IARS1: variants seen among roughly 807,000 people sequenced by gnomAD.
The protein encoded by IARS1 is isoleucine--tRNA ligase, cytoplasmic.
In IARS1, 124 loss-of-function variants were observed where a neutral mutation model predicts 168.2. The ratio of observed to expected loss-of-function variants is 0.74; its 90% confidence interval spans 0.64 to 0.86. IARS1 has a LOEUF of 0.86. Ranked by LOEUF, IARS1 falls within the 40% of genes least tolerant of loss-of-function variation. The pLI, the probability that IARS1 is intolerant of heterozygous loss-of-function variation, is 0.00. For synonymous variants in IARS1, 532 were observed against 529.4 expected, an observed-to-expected ratio of 1.00 and a Z score of -0.07; for missense variants, 1,452 against 1,515.8, an observed-to-expected ratio of 0.96 and a Z score of 0.70.
intron 6 of IARS1, among the ~76,000 whole-genome samples, chr9:92,285,395 C>A (rs935481276): frequency 2.6e-5 from 4 of 152,126 alleles, no homozygotes; most frequent in African/African-American, 9.7e-5. Context: ...AATTACTCAA[C>A]CCTTAAGAAA....
Position 92,222,554 on chromosome 9 carries a change from C to CTTCCTGCTT in IARS1, c.3671_3672insAAGCAGGAA (p.Ser1222_Lys1224dup). The stretch of plus-strand genomic sequence containing the variant: ...GGGTCTCATTCAGAAACAGCTTTAG[C>CTTCCTGCTT]TTCCTGCTCCGAAGGCCAAACACCT... On this transcript the variant is annotated inframe_insertion, in exon 33 of 34. Transcript: ENST00000443024. 6.2e-7 allele frequency: 1 copy of CTTCCTGCTT among 1,614,058 alleles called. No individual in the cohort carries two copies. Among genetic ancestry groups the CTTCCTGCTT allele is most frequent in the South Asian group, 1.1e-5 (1 of 91,082 alleles).
rs776368083 is a variant in IARS1, at chr9:92,222,720, T to C, written c.3554-48A>G. On this transcript the variant is annotated intron_variant, in intron 32 of 33. Coordinates refer to ENST00000443024, the MANE Select transcript of IARS1 (RefSeq NM_002161.6). ...GATTAAATCTCGAGAGTTCACCCTC[T>C]AGCTCCAAAAGAGGTGGCCACTGCG... 1.8e-5 allele frequency: 29 copies of C among 1,603,532 alleles called. No individual in the cohort carries two copies. In the South Asian group the frequency reaches 3.1e-4, roughly 17 times the overall value.
intron 30 of IARS1, 43 bp downstream of exon 30, chr9:92,240,813 A>G: frequency 8.3e-7 from 1 of 1,198,866 alleles, no homozygotes; most frequent in South Asian, 1.2e-5. Context: ...ATCCATAAGT[A>G]TAACTAAAAA....
intron 30 of IARS1, among the ~76,000 whole-genome samples, chr9:92,230,187 C>T (rs533903417): frequency 3.9e-5 from 6 of 151,986 alleles, no homozygotes; most frequent in East Asian, 1.9e-4. Context: ...TTCGGCTCAC[C>T]GCAACCTCTG....
At chr9:92,285,977 G>A in intron 5 of IARS1, 138 bp from the exon 6 acceptor site, 5 of 597,578 alleles carry the variant, frequency 8.4e-6, no homozygotes, top group Non-Finnish European at 1.5e-5. Flanking sequence ...AGACTGGCTG[G>A]TAAATTATAA....
chr9:92,274,985 C>A (rs149127040), intron 9 of IARS1, among the ~76,000 whole-genome samples: 5 of 152,282 alleles, frequency 3.3e-5, no homozygotes, highest in African/African-American at 4.8e-5. Context: ...GTGGGAGCCA[C>A]GAGTAGTAAG....
At chr9:92,212,906 A>T (rs1179857754) in intron 33 of IARS1, among the ~76,000 whole-genome samples, 1 of 152,132 alleles carries the variant, frequency 6.6e-6, no homozygotes. Flanking sequence ...AGGGAACAAA[A>T]TCAAGGCAGG....
chr9:92,254,097 T>C (rs1277561039), intron 20 of IARS1, among the ~76,000 whole-genome samples: 5 of 152,202 alleles, frequency 3.3e-5, no homozygotes, highest in African/African-American at 1.2e-4. Flanking sequence ...CTGCCCATAG[T>C]GCTGCAGTTA....
intron 31 of IARS1, among the ~76,000 whole-genome samples, chr9:92,226,777 T>C (rs1156432290): frequency 6.6e-6 from 1 of 152,052 alleles, no homozygotes; most frequent in Non-Finnish European, 1.5e-5. Flanking sequence ...ATTTTCTCCG[T>C]GTGTTTCTAT....
chr9:92,250,314 A>G, intron 23 of IARS1, 25 bp from the exon 24 acceptor site: 4 of 1,396,582 alleles, frequency 2.9e-6, no homozygotes, highest in Non-Finnish European at 4.1e-6. Flanking sequence ...TAGGAATATG[A>G]AAGAGTTTAG....
chr9:92,211,966 A>G (rs867014760), intron 33 of IARS1, among the ~76,000 whole-genome samples: 36 of 152,172 alleles, frequency 2.4e-4, no homozygotes, highest in Admixed American at 2.0e-3. Context: ...TACTGAATAT[A>G]CAACTCAAAA....
Position 92,263,070 on chromosome 9 carries a change from CA to C in IARS1, c.1701-16del. 1 of 1,561,836 alleles carries C rather than the reference CA, an allele frequency of 6.4e-7. No homozygotes were observed. The highest frequency in any genetic ancestry group is 8.8e-7 in the Non-Finnish European group (1 of 1,133,592). Reference sequence around the variant, plus strand: ...GGGTATAAAACCTGAAAAAAAACCCCAAACAGTTCAATAAAAATAGAAATGA... The same window carrying C: ...GGGTATAAAACCTGAAAAAAAACCCCAACAGTTCAATAAAAATAGAAATGA... On this transcript the variant is annotated splice_polypyrimidine_tract_variant and intron_variant, in intron 16 of 33. Coordinates refer to ENST00000443024, the MANE Select transcript of IARS1 (RefSeq NM_002161.6).
In IARS1 at chr9:92,231,427, T is replaced by A. The variant is rs904648031; in HGVS notation, c.3284-2301A>T. On this transcript the variant is annotated intron_variant, in intron 30 of 33. Coordinates refer to ENST00000443024, the MANE Select transcript of IARS1 (RefSeq NM_002161.6). The stretch of plus-strand genomic sequence containing the variant: ...TGTTATTTTTTTCTTTTTTTTTTTT[T>A]TTTGAGACGGAGTTTTGCTCTTGTT... Among the ~76,000 whole-genome samples, 18 of 151,342 alleles carry A rather than the reference T, an allele frequency of 1.2e-4. No homozygotes were observed. In the East Asian group the frequency reaches 2.7e-3, roughly 23 times the overall value.
intron 30 of IARS1, among the ~76,000 whole-genome samples, chr9:92,229,358 T>TACACACACACACACACACACAC (rs113517739): frequency 1.1e-4 from 16 of 144,910 alleles, no homozygotes; most frequent in African/African-American, 3.9e-4. Flanking sequence ...ATATATACAC[T>TACACACACACACACACACACAC]ACACACACAC....
intron 6 of IARS1, among the ~76,000 whole-genome samples, chr9:92,282,858 A>T (rs543150577): frequency 0.025 from 3,560 of 140,996 alleles, 65 homozygotes; most frequent in African/African-American, 0.041. Flanking sequence ...ATATATATAT[A>T]TATTTTTTTT....
intron 30 of IARS1, among the ~76,000 whole-genome samples, chr9:92,240,138 T>C (rs942055172): frequency 6.6e-6 from 1 of 152,232 alleles, no homozygotes; most frequent in Non-Finnish European, 1.5e-5. Context: ...AGTCTTCTTA[T>C]GCTTGTTTTT....
At chr9:92,244,690 T>G (rs1057267093) in intron 27 of IARS1, among the ~76,000 whole-genome samples, 1 of 152,196 alleles carries the variant, frequency 6.6e-6, no homozygotes, top group Admixed American at 6.5e-5. Context: ...ACTCATTCCT[T>G]GAAGGGTTCA....
At chr9:92,289,066 G>A (rs1252654684) in intron 2 of IARS1, among the ~76,000 whole-genome samples, 1 of 151,980 alleles carries the variant, frequency 6.6e-6, no homozygotes. Context: ...GAATTAGCTG[G>A]TGTGATGGCG....
At chr9:92,278,065 A>G (rs1834014234) in intron 8 of IARS1, 134 bp downstream of exon 8, 2 of 1,025,874 alleles carry the variant, frequency 1.9e-6, no homozygotes, top group African/African-American at 1.6e-5. Context: ...CAAAGTACTT[A>G]GTATAGTATT....
Sources: gnomAD v4.1 joint callset for allele counts (sites outside exome capture counted in the v4.1 genomes callset) on GRCh38, gnomAD v4.1.1 for gene constraint, MANE v1.5 for transcripts, NCBI Gene and HGNC (gene_info 2026-07-23, HGNC 2026-07-21) for gene names.